KIF20B: variants seen among roughly 807,000 people sequenced by gnomAD.
KIF20B encodes the protein kinesin family member 20B.
KIF20B carries 188 observed loss-of-function variants against 232.5 expected under a neutral mutation model. The observed-to-expected ratio is 0.81, with a 90% CI of 0.72 to 0.91. The LOEUF (loss-of-function observed/expected upper bound fraction) is 0.91, where lower values mean the gene tolerates loss of function less well. KIF20B is among the 40% of genes least tolerant of loss of function. The probability of loss-of-function intolerance (pLI) is 0.00; values close to 1 mark genes in which losing one functional copy is unlikely to be tolerated. For synonymous variants in KIF20B, 712 were observed against 683.0 expected (o/e 1.04, Z -0.66); for missense variants, 2,154 against 2,055.9 (o/e 1.05, Z -0.92).
At chr10:89,766,811 G>T (rs1193310660) in intron 29 of KIF20B, among the ~76,000 whole-genome samples, 1 of 151,864 alleles carries the variant, frequency 6.6e-6, no homozygotes, top group Non-Finnish European at 1.5e-5. Flanking sequence ...AACACCTTTA[G>T]AGATTGTTTT....
In KIF20B at chr10:89,726,279, T is replaced by C. The variant is rs1206952174; in HGVS notation, c.2002-14T>C. ...TACTGTTAATATTAGGCATGTGGTT[T>C]TTGCTATTTTTAGGAAACACATAAT... On this transcript the variant is annotated splice_polypyrimidine_tract_variant and intron_variant, in intron 15 of 32. Coordinates refer to ENST00000371728, the MANE Select transcript of KIF20B (RefSeq NM_001284259.2). 1 of 1,540,122 alleles carries C rather than the reference T, an allele frequency of 6.5e-7. No individual in the cohort carries two copies.
intron 18 of KIF20B, 43 bp downstream of exon 18, chr10:89,729,290 A>G (rs755040571): frequency 1.4e-6 from 2 of 1,404,794 alleles, no homozygotes; most frequent in South Asian, 1.4e-5. Flanking sequence ...TTAGATAAGC[A>G]TATGTTTTGG....
At chr10:89,750,725 T>G (rs796807782) in intron 23 of KIF20B, among the ~76,000 whole-genome samples, 13 of 152,292 alleles carry the variant, frequency 8.5e-5, no homozygotes, top group African/African-American at 3.1e-4. Flanking sequence ...TACAAGTAAT[T>G]GCTGTAGTCA....
chr10:89,709,885 C>T, intron 4 of KIF20B, 42 bp from the exon 5 acceptor site: 2 of 1,525,428 alleles, frequency 1.3e-6, no homozygotes, highest in East Asian at 4.6e-5. Flanking sequence ...TTAATATTAA[C>T]TTGAATTTTC....
Position 89,709,335 on chromosome 10 carries a change from T to C in KIF20B, c.235-10T>C, listed in dbSNP as rs1842790633. On this transcript the variant is annotated splice_polypyrimidine_tract_variant and intron_variant, in intron 3 of 32. Coordinates refer to ENST00000371728, the MANE Select transcript of KIF20B (RefSeq NM_001284259.2). ...TACTAGTTTTTATTTATTGGGGGTATGTTTTCTAGGGCTGTGTGCATATTC... is the reference window on the plus strand; with the variant it reads ...TACTAGTTTTTATTTATTGGGGGTACGTTTTCTAGGGCTGTGTGCATATTC... The C allele has an allele frequency of 6.2e-7, 1 of 1,605,084 alleles. No individual in the cohort carries two copies. The highest frequency in any genetic ancestry group is 8.5e-7 in the Non-Finnish European group (1 of 1,174,180).
At chr10:89,733,599 T>G (rs992163236) in intron 19 of KIF20B, among the ~76,000 whole-genome samples, 3 of 152,296 alleles carry the variant, frequency 2.0e-5, no homozygotes, top group Non-Finnish European at 4.4e-5. Context: ...GGGCAAACCT[T>G]TGAATTTTAG....
At chr10:89,768,999 A>G (rs550871972) in intron 31 of KIF20B, 111 bp downstream of exon 31, 19 of 877,976 alleles carry the variant, frequency 2.2e-5, no homozygotes, top group Admixed American at 8.7e-5. Context: ...TACTTCAAAT[A>G]GGCATTGTCC....
At chr10:89,767,180 ACT>A (rs1331958132) in intron 29 of KIF20B, among the ~76,000 whole-genome samples, 1 of 117,990 alleles carries the variant, frequency 8.5e-6, no homozygotes, top group Non-Finnish European at 1.7e-5. Context: ...TCTTCCACAT[ACT>A]CTTTTTTTTT....
Position 89,737,801 on chromosome 10 carries a change from C to G in KIF20B, c.2960C>G (p.Thr987Arg). The G allele has an allele frequency of 6.2e-7, 1 of 1,612,828 alleles. No individual in the cohort carries two copies. The highest frequency in any genetic ancestry group is 8.5e-7 in the Non-Finnish European group (1 of 1,179,330). Residue 987 changes from threonine (T) to arginine (R), a missense_variant, in exon 20 of 33, where the codon ACG becomes AGG. By Grantham distance (71) the Thr-to-Arg change is moderately conservative. Transcript: ENST00000371728. ...NNVSQIKLMH[T>R]KIDELRTLDS... ...GTTTCACAAATAAAATTAATGCACA[C>G]GAAAATAGACGAACTACGTACTCTT... is the stretch of plus-strand genomic sequence containing the variant.
In KIF20B at chr10:89,715,104, G is replaced by A. The variant is rs766167617; in HGVS notation, c.862G>A (p.Val288Ile). The A allele has an allele frequency of 3.7e-6, 6 of 1,608,488 alleles. No homozygotes were observed. Among genetic ancestry groups the A allele is most frequent in the Middle Eastern group, 1.7e-4 (1 of 5,948 alleles). Residue 288 changes from valine to isoleucine, a missense_variant, in exon 8 of 33, where the codon GTT (valine) becomes ATT (isoleucine). By Grantham distance (29) the Val-to-Ile change is conservative. Transcript: ENST00000371728. ...IYNEYIYDLF[V>I]PVSSKFQKRK... ...CAATGAATATATTTATGACTTATTTGTTCCTGTATCATCTAAATTCCAAAA... is the reference window on the plus strand; with the variant it reads ...CAATGAATATATTTATGACTTATTTATTCCTGTATCATCTAAATTCCAAAA...
At position 89,774,228 on chromosome 10, in the gene KIF20B, C is replaced by G. The variant is rs1266878636; in HGVS notation, c.*180C>G. The G allele has an allele frequency of 2.7e-6, 1 of 376,460 alleles. No individual in the cohort carries two copies. Among genetic ancestry groups the G allele is most frequent in the Non-Finnish European group, 4.8e-6 (1 of 206,634 alleles). The allele number at this position is 376,460 out of a possible 1,614,324, so 23.3% of individuals were successfully genotyped here. On this transcript the variant is annotated 3_prime_UTR_variant, in exon 33 of 33. Coordinates refer to ENST00000371728, the MANE Select transcript of KIF20B (RefSeq NM_001284259.2). ...TCAAAATTTGTATATTTTTATAAGG[C>G]TTTTTTATAATAGCTTCTTTCAAAC...
intron 17 of KIF20B, 54 bp downstream of exon 17, chr10:89,727,950 TATGA>T: frequency 7.0e-7 from 1 of 1,428,134 alleles, no homozygotes; most frequent in South Asian, 1.3e-5. Context: ...AACAAAGGGG[TATGA>T]ATGATGACTA....
intron 16 of KIF20B, among the ~76,000 whole-genome samples, chr10:89,727,099 G>A (rs1843206123): frequency 1.3e-5 from 2 of 151,858 alleles, no homozygotes; most frequent in African/African-American, 2.4e-5. Context: ...GGCATGAGCC[G>A]TGCTGTGCCT....
intron 8 of KIF20B, among the ~76,000 whole-genome samples, chr10:89,716,186 A>G (rs1419561722): frequency 6.6e-6 from 1 of 152,018 alleles, no homozygotes; most frequent in Non-Finnish European, 1.5e-5. Context: ...TTGTTACTGT[A>G]TTCAATTTTC....
At chr10:89,753,916 C>G (rs540805741) in intron 25 of KIF20B, among the ~76,000 whole-genome samples, 2 of 152,142 alleles carry the variant, frequency 1.3e-5, no homozygotes, top group Admixed American at 1.3e-4. Context: ...CCGCACCCAG[C>G]CTAGAAGTTT....
intron 10 of KIF20B, 35 bp from the exon 11 acceptor site, chr10:89,717,541 A>G: frequency 6.3e-7 from 1 of 1,592,916 alleles, no homozygotes; most frequent in Non-Finnish European, 8.6e-7. Context: ...ATTGTTTTGA[A>G]GAACTTTTAA....
At chr10:89,733,120 CA>C in intron 19 of KIF20B, 64 bp downstream of exon 19, 1 of 1,538,066 alleles carries the variant, frequency 6.5e-7, no homozygotes, top group Non-Finnish European at 9.0e-7. Flanking sequence ...GTAAATAGAA[CA>C]AGGCAAACAG....
intron 26 of KIF20B, among the ~76,000 whole-genome samples, chr10:89,757,067 T>TATATATATATATATAC (rs1842143769): frequency 7.6e-6 from 1 of 132,054 alleles, no homozygotes; most frequent in Non-Finnish European, 1.6e-5. Context: ...TATATATATA[T>TATATATATATATATAC]ATACACACAT....
At chr10:89,704,461 G>A (rs1267907716) in intron 1 of KIF20B, among the ~76,000 whole-genome samples, 2 of 152,108 alleles carry the variant, frequency 1.3e-5, no homozygotes, top group African/African-American at 4.8e-5. Context: ...CTTAAAACCT[G>A]TGATGTGTCA....
Sources: gnomAD v4.1 joint callset for allele counts (sites outside exome capture counted in the v4.1 genomes callset) on GRCh38, gnomAD v4.1.1 for gene constraint, MANE v1.5 for transcripts, NCBI Gene and HGNC (gene_info 2026-07-23, HGNC 2026-07-21) for gene names.